Variants in COL11A2 observed in about 807,000 individuals in gnomAD.
COL11A2 encodes collagen type XI alpha 2 chain, also known as collagen alpha-2(XI) chain.
COL11A2 carries 116 observed loss-of-function variants against 273.4 expected under a neutral mutation model. The observed-to-expected ratio is 0.42, with a 90% CI of 0.36 to 0.49. COL11A2 has a LOEUF of 0.49. Among genes scored for constraint, COL11A2 ranks in the 20% least tolerant of loss-of-function variants. COL11A2 has a pLI of 0.00. For missense variants in COL11A2, 1,866 were observed against 2,309.0 expected, an observed-to-expected ratio of 0.81 and a Z score of 3.93; for synonymous variants, 782 against 864.2, an observed-to-expected ratio of 0.90 and a Z score of 1.67.
At position 33,189,232 on chromosome 6, in the gene COL11A2, G is replaced by A; in HGVS notation, c.233-44C>T. 6.2e-7 allele frequency: 1 copy of A among 1,611,388 alleles called. No individual in the cohort carries two copies. The highest frequency in any genetic ancestry group is 8.5e-7 in the Non-Finnish European group (1 of 1,178,534). On this transcript the variant is annotated intron_variant, in intron 2 of 65. Transcript: ENST00000341947. This position sits in a 1 kb window ranked among gnomAD's most constrained non-coding sequence, Gnocchi z 5.6. The stretch of plus-strand genomic sequence containing the variant: ...ACACACAGAGTGAGAGGCAAAGGGA[G>A]CCGCCACAACCCCTTTCCTCCTGGT...
At position 33,178,211 on chromosome 6, in the gene COL11A2, C is replaced by T. The variant is rs367716474; in HGVS notation, c.1819-26G>A. ...CTGCATTCACGGTGAGGGGAGGAGACGGCATGAATGGATAAAACTGTGTCC... is the reference window on the plus strand; with the variant it reads ...CTGCATTCACGGTGAGGGGAGGAGATGGCATGAATGGATAAAACTGTGTCC... On this transcript the variant is annotated intron_variant, in intron 20 of 65. Transcript: ENST00000341947. This position sits in a 1 kb window ranked among gnomAD's most constrained non-coding sequence, Gnocchi z 4.6. 2.0e-5 allele frequency: 32 copies of T among 1,612,372 alleles called. No individual in the cohort carries two copies. Among genetic ancestry groups the T allele is most frequent in the South Asian group, 1.2e-4 (11 of 91,060 alleles).
Position 33,170,535 on chromosome 6 carries a change from G to A in COL11A2, c.3528+22C>T. On this transcript the variant is annotated intron_variant, in intron 47 of 65. Transcript: ENST00000341947. The surrounding 1 kb of genome is among the most constrained non-coding windows in gnomAD (Gnocchi z 4.3). ...GGGGGGTGACTAGTATGGTGGCTAG[G>A]GTCAGTAGGGGTCACACTCACCATA... 3 of 1,611,968 alleles carry A rather than the reference G, an allele frequency of 1.9e-6. No homozygotes were observed. Among genetic ancestry groups the A allele is most frequent in the Non-Finnish European group, 2.5e-6 (3 of 1,179,682 alleles).
rs565852195 is a variant in COL11A2 at position 33,192,310 on chromosome 6, A to G, written c.-70T>C. 5 of 1,421,188 alleles carry G rather than the reference A, an allele frequency of 3.5e-6. No homozygotes were observed. Among genetic ancestry groups the G allele is most frequent in the Non-Finnish European group, 3.9e-6 (4 of 1,033,590 alleles). 88.0% of individuals were successfully genotyped at this position (1,421,188 alleles called of 1,614,324 possible). ...TGAGACGCTGGATGCCCTGAGGCTG[A>G]CAGAAGACAGGGAGCAGACTATGAG... is the stretch of plus-strand genomic sequence containing the variant. On this transcript the variant is annotated 5_prime_UTR_variant, in exon 1 of 66. Transcript: ENST00000341947.
Position 33,164,321 on chromosome 6 carries a change from A to G in COL11A2, c.5016T>C (p.Asp1672=). The G allele has an allele frequency of 6.2e-7, 1 of 1,612,914 alleles. No individual in the cohort carries two copies. The highest frequency in any genetic ancestry group is 8.5e-7 in the Non-Finnish European group (1 of 1,179,962). Residue 1672 remains aspartate, a synonymous_variant, in exon 65 of 66, where the codon GAT becomes GAC. Coordinates refer to ENST00000341947, the MANE Select transcript of COL11A2 (RefSeq NM_080680.3). This position sits in a 1 kb window ranked among gnomAD's most constrained non-coding sequence, Gnocchi z 4.7. ...GPLRLRGANE[D]ELSPETSPYV... ...AGGGGCTAGTCTCCGGGCTCAGCTC[A>G]TCCTCATTGGCCCCACGGAGTCTCA...
chr6:33,186,345 A>C, intron 5 of COL11A2: 2 of 1,355,594 alleles, frequency 1.5e-6, no homozygotes, highest in South Asian at 3.5e-5. Flanking sequence ...ACTGTCTCCC[A>C]ATCTCTTAAT....
In COL11A2 at chr6:33,172,726, C is replaced by T. The variant is rs1770290265; in HGVS notation, c.2791-89G>A. On this transcript the variant is annotated intron_variant, in intron 38 of 65. Coordinates refer to ENST00000341947, the MANE Select transcript of COL11A2 (RefSeq NM_080680.3). The stretch of plus-strand genomic sequence containing the variant: ...CCACCCTGGCCACCCTAAAACACTC[C>T]TTCAGAACCCCTTTATCCCTGCCCC... The T allele has an allele frequency of 6.3e-6, 7 of 1,108,282 alleles. No homozygotes were observed. In the East Asian group the frequency reaches 1.5e-4, roughly 24 times the overall value. The allele number at this position is 1,108,282 out of a possible 1,614,324, so 68.7% of individuals were successfully genotyped here.
Position 33,166,004 on chromosome 6 carries a change from G to A in COL11A2, c.4429-20C>T. ...TGGGCCCTGACAAGGAATAAATCAG[G>A]TCATGGAGGGGTCAAGAGGTCAAGC... is the stretch of plus-strand genomic sequence containing the variant. On this transcript the variant is annotated intron_variant, in intron 61 of 65. Coordinates refer to ENST00000341947, the MANE Select transcript of COL11A2 (RefSeq NM_080680.3). This position sits in a 1 kb window ranked among gnomAD's most constrained non-coding sequence, Gnocchi z 4.8. 6.2e-7 allele frequency: 1 copy of A among 1,614,016 alleles called. No individual in the cohort carries two copies. The highest frequency in any genetic ancestry group is 2.2e-5 in the East Asian group (1 of 44,874).
rs1233834029 is a variant in COL11A2, at chr6:33,185,073, G to A, written c.877-19C>T. 1 of 1,540,474 alleles carries A rather than the reference G, an allele frequency of 6.5e-7. No individual in the cohort carries two copies. Among genetic ancestry groups the A allele is most frequent in the East Asian group, 2.4e-5 (1 of 40,880 alleles). ...TGGGGTCCTGACCCCAAGGAGAGAA[G>A]GAGAAGAGTAGCACGGGGTGGGAAG... On this transcript the variant is annotated intron_variant, in intron 6 of 65. Coordinates refer to ENST00000341947, the MANE Select transcript of COL11A2 (RefSeq NM_080680.3).
At position 33,170,866 on chromosome 6, in the gene COL11A2, T is replaced by G; in HGVS notation, c.3418A>C (p.Lys1140Gln). 1 of 1,612,924 alleles carries G rather than the reference T, an allele frequency of 6.2e-7. No individual in the cohort carries two copies. The highest frequency in any genetic ancestry group is 8.5e-7 in the Non-Finnish European group (1 of 1,179,968). Reference protein sequence around the residue: ...ARGPQGHFGAKGDEGTRGFNG... With the variant: ...ARGPQGHFGAQGDEGTRGFNG... ...AATCCTCTTGTTCCTTCATCACCTT[T>G]GGCTCCAAAGTGTCCCTGGGGTCCC... The change falls in exon 46 of 66, where the codon AAA becomes CAA. Residue 1140 changes from lysine (K) to glutamine (Q), a missense_variant. Coordinates refer to ENST00000341947, the MANE Select transcript of COL11A2 (RefSeq NM_080680.3). The surrounding 1 kb of genome is among the most constrained non-coding windows in gnomAD (Gnocchi z 4.3).
At chr6:33,168,631 G>A (rs976449892) in intron 53 of COL11A2, 59 bp from the exon 54 acceptor site, 1 of 1,604,580 alleles carries the variant, frequency 6.2e-7, no homozygotes, top group African/African-American at 1.3e-5. Context: ...GGACCCCTCA[G>A]GAGTGGGGCA....
At chr6:33,188,098 G>C (rs976917218) in intron 4 of COL11A2, among the ~76,000 whole-genome samples, 1 of 152,096 alleles carries the variant, frequency 6.6e-6, no homozygotes, top group African/African-American at 2.4e-5. Context: ...TGAGGAGAGA[G>C]AGGGGTTGAA....
At chr6:33,180,837 A>C in intron 10 of COL11A2, 107 bp from the exon 11 acceptor site, 1 of 1,554,902 alleles carries the variant, frequency 6.4e-7, no homozygotes, top group Non-Finnish European at 8.9e-7. Flanking sequence ...GAATCTGGGA[A>C]GCGTTGATTG....
Position 33,166,691 on chromosome 6 carries a change from C to A in COL11A2, c.4338+29G>T, listed in dbSNP as rs1278385693. ...CTCTCCACCCCACTCTCAACCCCCA[C>A]AACTTCCGGGACCATGCCCTCTACT... On this transcript the variant is annotated intron_variant, in intron 59 of 65. Coordinates refer to ENST00000341947, the MANE Select transcript of COL11A2 (RefSeq NM_080680.3). The surrounding 1 kb of genome is among the most constrained non-coding windows in gnomAD (Gnocchi z 4.8). 1.2e-6 allele frequency: 2 copies of A among 1,613,838 alleles called. No homozygotes were observed. Among genetic ancestry groups the A allele is most frequent in the South Asian group, 2.2e-5 (2 of 91,090 alleles).
chr6:33,167,834 C>A lies in COL11A2; in HGVS notation c.3979G>T (p.Gly1327Cys), dbSNP rs140036998. 9 of 1,612,768 alleles carry A rather than the reference C, an allele frequency of 5.6e-6. No individual in the cohort carries two copies. ...TTCCCTCCTTGTCGCCCCTCGGAAC[C>A]AGGCGAGCCAGCAGGACCCTGCAGG... ...LGKRGPAGSP[G>C]SEGRQGGKGA... is the part of the protein sequence containing the mutation. Residue 1327 changes from glycine to cysteine, a missense_variant, in exon 55 of 66, where the codon GGT (glycine) becomes TGT (cysteine). Coordinates refer to ENST00000341947, the MANE Select transcript of COL11A2 (RefSeq NM_080680.3). The surrounding 1 kb of genome is among the most constrained non-coding windows in gnomAD (Gnocchi z 6.1).
At chr6:33,192,046 A>G in intron 1 of COL11A2, 113 bp downstream of exon 1, 2 of 1,011,592 alleles carry the variant, frequency 2.0e-6, no homozygotes, top group Admixed American at 2.0e-5. Context: ...TGAAGCCCCA[A>G]ATCTCCTTGT....
Position 33,173,697 on chromosome 6 carries a change from T to G in COL11A2, c.2628+4A>C. On this transcript the variant is annotated splice_donor_region_variant and intron_variant, in intron 35 of 65. Coordinates refer to ENST00000341947, the MANE Select transcript of COL11A2 (RefSeq NM_080680.3). The surrounding 1 kb of genome is among the most constrained non-coding windows in gnomAD (Gnocchi z 6.3). ...GGGGAAGGGGACTTTCGATCCACAC[T>G]CACCCTCTCTCCAGGGGGCCCATGG... 1 of 1,570,730 alleles carries G rather than the reference T, an allele frequency of 6.4e-7. No individual in the cohort carries two copies. Among genetic ancestry groups the G allele is most frequent in the Non-Finnish European group, 8.6e-7 (1 of 1,157,272 alleles).
At position 33,178,558 on chromosome 6, in the gene COL11A2, C is replaced by T; in HGVS notation, c.1720-70G>A. 1 of 1,609,734 alleles carries T rather than the reference C, an allele frequency of 6.2e-7. No homozygotes were observed. ...CACAGGCAGACACCGAACCTCTGCA[C>T]TTAGCCCATCCATTACTTTCACTGA... On this transcript the variant is annotated intron_variant, in intron 18 of 65. Coordinates refer to ENST00000341947, the MANE Select transcript of COL11A2 (RefSeq NM_080680.3). The surrounding 1 kb of genome is among the most constrained non-coding windows in gnomAD (Gnocchi z 4.6).
chr6:33,184,904 C>T (rs1772176754), intron 7 of COL11A2, 88 bp downstream of exon 7: 1 of 1,096,270 alleles, frequency 9.1e-7, no homozygotes, highest in South Asian at 1.3e-5. Context: ...AGAGGAGGGG[C>T]TGGTCCATCA....
rs993766794 is a variant in COL11A2 at position 33,166,301 on chromosome 6, C to T, written c.4393-95G>A. 29 of 1,474,564 alleles carry T rather than the reference C, an allele frequency of 2.0e-5. No homozygotes were observed. The African/African-American group carries it at 3.8e-4, about 19-fold the overall frequency. The allele number at this position is 1,474,564 out of a possible 1,614,324, so 91.3% of individuals were successfully genotyped here. On this transcript the variant is annotated intron_variant, in intron 60 of 65. Coordinates refer to ENST00000341947, the MANE Select transcript of COL11A2 (RefSeq NM_080680.3). The surrounding 1 kb of genome is among the most constrained non-coding windows in gnomAD (Gnocchi z 4.8). ...CAAGGTCCCAAGTCCACAGGAGCCT[C>T]GGGTTACTACAGGAGGGGCAGTCTT...
Sources: allele counts gnomAD v4.1 joint callset (sites outside exome capture counted in the v4.1 genomes callset), GRCh38; gene constraint gnomAD v4.1.1; non-coding constraint Gnocchi (gnomAD v3.1); transcripts MANE v1.5; gene names NCBI Gene and HGNC (gene_info 2026-07-23, HGNC 2026-07-21).